The following LSAMP variants were observed in gnomAD, a reference collection of about 807,000 sequenced individuals.
LSAMP encodes the protein limbic system associated membrane protein.
A neutral mutation model predicts 38.6 loss-of-function variants in LSAMP; 7 were observed. That is an observed-to-expected ratio of 0.18 (90% CI 0.10 to 0.34). LSAMP has a LOEUF of 0.34. LSAMP is among the 10% of genes least tolerant of loss of function. The pLI, the probability that LSAMP is intolerant of heterozygous loss-of-function variation, is 1.00. For synonymous variants in LSAMP, 154 were observed against 166.8 expected (o/e 0.92, Z 0.59); for missense variants, 313 against 420.0 (o/e 0.75, Z 2.23).
intron 3 of LSAMP, among the ~76,000 whole-genome samples, chr3:116,011,607 A>G (rs1559919374): frequency 6.6e-6 from 1 of 152,208 alleles, no homozygotes; most frequent in South Asian, 2.1e-4. Flanking sequence ...ATACTTAGAA[A>G]TAGTAGCAAA....
chr3:116,291,039 A>C (rs2047260800), intron 1 of LSAMP, among the ~76,000 whole-genome samples: 1 of 152,066 alleles, frequency 6.6e-6, no homozygotes, highest in African/African-American at 2.4e-5. Context: ...TAATCTTCGC[A>C]ATGGTTGCAA....
intron 1 of LSAMP, among the ~76,000 whole-genome samples, chr3:116,112,095 C>T (rs186381246): frequency 6.6e-6 from 1 of 152,326 alleles, no homozygotes; most frequent in Non-Finnish European, 1.5e-5. Flanking sequence ...AAGGGTAAAG[C>T]TTCTTAGCTG....
chr3:116,034,973 TA>T (rs1390365411), intron 2 of LSAMP, among the ~76,000 whole-genome samples: 2 of 152,212 alleles, frequency 1.3e-5, no homozygotes, highest in Non-Finnish European at 2.9e-5. Context: ...CACAACACAT[TA>T]GGCTTTGCCT....
chr3:116,322,648 G>A (rs1333424561), intron 1 of LSAMP, among the ~76,000 whole-genome samples: 1 of 152,024 alleles, frequency 6.6e-6, no homozygotes, highest in Admixed American at 6.6e-5. Flanking sequence ...ATTTCTTTTT[G>A]ACAGATGGTA....
intron 6 of LSAMP, among the ~76,000 whole-genome samples, chr3:115,839,243 TTCCTTCCTTCCTTCTTTCTTTCC>T: frequency 9.6e-6 from 1 of 104,260 alleles, no homozygotes; most frequent in African/African-American, 4.0e-5. Flanking sequence ...CCTTCTTTCC[TTCCTTCCTTCCTTCTTTCTTTCC>T]TTCCTTCCTT....
intron 2 of LSAMP, among the ~76,000 whole-genome samples, chr3:116,032,084 C>T (rs958392706): frequency 2.0e-5 from 3 of 151,964 alleles, no homozygotes; most frequent in African/African-American, 7.3e-5. Context: ...AAATCCCAAA[C>T]GAAACCTTGA....
intron 1 of LSAMP, among the ~76,000 whole-genome samples, chr3:116,431,436 A>G (rs1044713445): frequency 6.6e-6 from 1 of 152,092 alleles, no homozygotes; most frequent in Non-Finnish European, 1.5e-5. Flanking sequence ...ATTTAACACT[A>G]CATTCTAGCA....
intron 1 of LSAMP, among the ~76,000 whole-genome samples, chr3:116,272,657 A>G (rs1030781095): frequency 2.0e-5 from 3 of 152,164 alleles, no homozygotes; most frequent in Admixed American, 6.6e-5. Context: ...ATTTAAAGAC[A>G]GTAGGAATAA....
At chr3:116,155,597 G>C (rs1709727810) in intron 1 of LSAMP, among the ~76,000 whole-genome samples, 1 of 151,668 alleles carries the variant, frequency 6.6e-6, no homozygotes, top group South Asian at 2.1e-4. Flanking sequence ...TACTTGATAA[G>C]TATTTAATGT....
chr3:116,438,060 C>CAAA (rs10637606), intron 1 of LSAMP, among the ~76,000 whole-genome samples: 63,807 of 125,708 alleles, frequency 0.51, 16,546 homozygotes, highest in East Asian at 0.68. Flanking sequence ...CAGGTAACTA[C>CAAA]AAAAAAAAAA....
chr3:116,273,685 T>TATATATATATATATA (rs1559808312), intron 1 of LSAMP, among the ~76,000 whole-genome samples: 12 of 4,420 alleles, frequency 2.7e-3, no homozygotes, highest in African/African-American at 5.2e-3. Flanking sequence ...GAAAGAGGCA[T>TATATATATATATATA]ATATATATAT....
intron 3 of LSAMP, among the ~76,000 whole-genome samples, chr3:115,949,288 T>A (rs1938204909): frequency 6.6e-6 from 1 of 152,076 alleles, no homozygotes; most frequent in Non-Finnish European, 1.5e-5. Context: ...TATTATAATA[T>A]CTTCCATTTA....
intron 6 of LSAMP, 148 bp downstream of exon 6, chr3:115,841,697 A>T: frequency 1.4e-6 from 1 of 721,062 alleles, no homozygotes; most frequent in Non-Finnish European, 2.2e-6. Context: ...TATGCACAGG[A>T]GTTGAGAACC....
At chr3:115,976,424 C>G (rs983950243) in intron 3 of LSAMP, among the ~76,000 whole-genome samples, 9 of 152,244 alleles carry the variant, frequency 5.9e-5, no homozygotes, top group African/African-American at 2.2e-4. Context: ...ACAATAAACT[C>G]AATCTGAATC....
At chr3:116,400,436 CTCCT>C (rs1180610698) in intron 1 of LSAMP, among the ~76,000 whole-genome samples, 150 of 147,552 alleles carry the variant, frequency 1.0e-3, no homozygotes, top group East Asian at 3.8e-3. Context: ...CCCTCCCTCC[CTCCT>C]TCCTTCCTTC....
intron 1 of LSAMP, among the ~76,000 whole-genome samples, chr3:116,089,224 T>C (rs1402558439): frequency 1.3e-5 from 2 of 152,254 alleles, no homozygotes; most frequent in African/African-American, 4.8e-5. Flanking sequence ...AACAATGTAT[T>C]ATGTGGAAAT....
At chr3:115,873,310 G>C (rs1042500975) in intron 3 of LSAMP, among the ~76,000 whole-genome samples, 4 of 151,724 alleles carry the variant, frequency 2.6e-5, no homozygotes, top group African/African-American at 9.7e-5. Flanking sequence ...TTGAACCTGG[G>C]AGGTGGAAGT....
At chr3:115,910,704 C>T (rs976882861) in intron 3 of LSAMP, among the ~76,000 whole-genome samples, 4 of 152,144 alleles carry the variant, frequency 2.6e-5, no homozygotes, top group South Asian at 2.1e-4. Context: ...CCTGTCCTCA[C>T]GCCCTCCTCA....
chr3:115,812,424 T>A (rs1377292973), intron 6 of LSAMP, among the ~76,000 whole-genome samples: 1 of 152,130 alleles, frequency 6.6e-6, no homozygotes, highest in Non-Finnish European at 1.5e-5. Flanking sequence ...ACCAGGTGCT[T>A]AAATTCAAGT....
Sources: allele counts gnomAD v4.1 joint callset (sites outside exome capture counted in the v4.1 genomes callset), GRCh38; gene constraint gnomAD v4.1.1; transcripts MANE v1.5; gene names NCBI Gene and HGNC (gene_info 2026-07-23, HGNC 2026-07-21).